Variants in CAMK2D observed in about 807,000 individuals in gnomAD.
The protein encoded by CAMK2D is calcium/calmodulin dependent protein kinase II delta.
A neutral mutation model predicts 84.0 loss-of-function variants in CAMK2D; 37 were observed. That is an observed-to-expected ratio of 0.44 (90% CI 0.34 to 0.58). The LOEUF is 0.58. Ranked by LOEUF, CAMK2D falls within the 20% of genes least tolerant of loss-of-function variation. The probability of loss-of-function intolerance (pLI) is 0.02; values close to 1 mark genes in which losing one functional copy is unlikely to be tolerated. For missense variants in CAMK2D, 448 were observed against 652.5 expected (o/e 0.69, Z 3.41); for synonymous variants, 202 against 212.5 (o/e 0.95, Z 0.43).
At chr4:113,695,711 C>G (rs1561886506) in intron 2 of CAMK2D, among the ~76,000 whole-genome samples, 1 of 152,094 alleles carries the variant, frequency 6.6e-6, no homozygotes, top group African/African-American at 2.4e-5. Flanking sequence ...TGGATCACTT[C>G]AATAGCCTCC....
chr4:113,595,685 T>C (rs2098922362), intron 4 of CAMK2D, among the ~76,000 whole-genome samples: 1 of 152,222 alleles, frequency 6.6e-6, no homozygotes, highest in Admixed American at 6.5e-5. Context: ...GTTTGCACTA[T>C]ACCATGGTCT....
At chr4:113,526,436 G>A (rs2098418142) in intron 8 of CAMK2D, among the ~76,000 whole-genome samples, 1 of 152,042 alleles carries the variant, frequency 6.6e-6, no homozygotes, top group African/African-American at 2.4e-5. Context: ...GTGTGTGTGT[G>A]TGTGTGTGCA....
At chr4:113,546,160 A>G (rs77213951) in intron 6 of CAMK2D, among the ~76,000 whole-genome samples, 8,134 of 152,302 alleles carry the variant, frequency 0.053, 475 homozygotes, top group African/African-American at 0.14. Context: ...TAATAAATTT[A>G]TAGAAGTGTC....
At chr4:113,480,853 A>T (rs1049430748) in intron 16 of CAMK2D, among the ~76,000 whole-genome samples, 1 of 152,138 alleles carries the variant, frequency 6.6e-6, no homozygotes, top group Non-Finnish European at 1.5e-5. Context: ...AAACAAAAAA[A>T]GGGCTTGAGG....
intron 4 of CAMK2D, among the ~76,000 whole-genome samples, chr4:113,553,541 C>T (rs2098644532): frequency 6.6e-6 from 1 of 152,190 alleles, no homozygotes; most frequent in Admixed American, 6.5e-5. Context: ...CCCTTATTCT[C>T]CTTTCCAAAA....
chr4:113,465,122 T>C (rs890836094), intron 17 of CAMK2D, among the ~76,000 whole-genome samples: 5 of 152,164 alleles, frequency 3.3e-5, no homozygotes, highest in Non-Finnish European at 7.3e-5. Context: ...AGCCTCGACC[T>C]CCTGGGCTTA....
At chr4:113,678,204 G>A (rs975750706) in intron 2 of CAMK2D, among the ~76,000 whole-genome samples, 2 of 152,124 alleles carry the variant, frequency 1.3e-5, no homozygotes, top group South Asian at 2.1e-4. Flanking sequence ...TTAGGAGACA[G>A]GCTAAGCCAC....
chr4:113,500,597 A>T (rs1247029535), intron 15 of CAMK2D, 86 bp from the exon 16 acceptor site: 1 of 805,642 alleles, frequency 1.2e-6, no homozygotes, highest in East Asian at 2.6e-5. Context: ...CATACATATC[A>T]TGCAAAATTC....
At chr4:113,615,916 A>C (rs927878826) in intron 3 of CAMK2D, among the ~76,000 whole-genome samples, 2 of 152,124 alleles carry the variant, frequency 1.3e-5, no homozygotes, top group African/African-American at 4.8e-5. Context: ...ATCTGTTCTA[A>C]TTTTAGCTAT....
chr4:113,697,027 CA>C (rs1323035918), intron 2 of CAMK2D, among the ~76,000 whole-genome samples: 1 of 151,996 alleles, frequency 6.6e-6, no homozygotes, highest in Non-Finnish European at 1.5e-5. Context: ...CCTCAATGTC[CA>C]AGGAGTCTTG....
intron 2 of CAMK2D, among the ~76,000 whole-genome samples, chr4:113,685,016 G>A (rs1212110663): frequency 6.6e-6 from 1 of 152,096 alleles, no homozygotes; most frequent in African/African-American, 2.4e-5. Flanking sequence ...AGAAGGTACT[G>A]AGCAAAGTCC....
intron 2 of CAMK2D, among the ~76,000 whole-genome samples, chr4:113,718,725 A>G (rs1183220385): frequency 2.0e-5 from 3 of 152,228 alleles, no homozygotes; most frequent in African/African-American, 7.2e-5. Flanking sequence ...AGTTCGGCCT[A>G]TGCCCAGGGA....
At chr4:113,506,219 C>A (rs1348966424) in intron 13 of CAMK2D, among the ~76,000 whole-genome samples, 2 of 152,036 alleles carry the variant, frequency 1.3e-5, no homozygotes, top group Non-Finnish European at 2.9e-5. Flanking sequence ...TATATCCTGT[C>A]AAAACTAGTA....
chr4:113,718,663 G>A (rs1023815991), intron 2 of CAMK2D, among the ~76,000 whole-genome samples: 1 of 152,138 alleles, frequency 6.6e-6, no homozygotes, highest in Non-Finnish European at 1.5e-5. Flanking sequence ...GGAAAGGGCT[G>A]TTTTCATCTT....
chr4:113,757,337 C>T (rs1286399465), intron 2 of CAMK2D, among the ~76,000 whole-genome samples: 2 of 152,044 alleles, frequency 1.3e-5, no homozygotes, highest in African/African-American at 2.4e-5. Flanking sequence ...ATTCATTCCA[C>T]ACAAAACCCT....
In CAMK2D at chr4:113,500,530, AT is replaced by A; in HGVS notation, c.1087-20del. ...TTGACTCCTGATGAGAAGAAAACACATTTTTAGGTTGCACGCAATGAATAGC... is the reference window on the plus strand; with the variant it reads ...TTGACTCCTGATGAGAAGAAAACACATTTTAGGTTGCACGCAATGAATAGC... On this transcript the variant is annotated intron_variant, in intron 15 of 20. Coordinates refer to ENST00000511664, the MANE Select transcript of CAMK2D (RefSeq NM_001321571.2). 2 of 1,562,826 alleles carry A rather than the reference AT, an allele frequency of 1.3e-6. No homozygotes were observed. Among genetic ancestry groups the A allele is most frequent in the Non-Finnish European group, 1.8e-6 (2 of 1,140,396 alleles).
intron 16 of CAMK2D, among the ~76,000 whole-genome samples, chr4:113,494,796 C>T (rs1276056266): frequency 2.0e-5 from 3 of 152,182 alleles, no homozygotes; most frequent in African/African-American, 4.8e-5. Context: ...AGGGAGACTC[C>T]GTGGGCGTAG....
chr4:113,720,546 A>G (rs893775586), intron 2 of CAMK2D, among the ~76,000 whole-genome samples: 1 of 152,080 alleles, frequency 6.6e-6, no homozygotes, highest in Non-Finnish European at 1.5e-5. Context: ...GATATTGGCC[A>G]TCTATAAATG....
intron 4 of CAMK2D, among the ~76,000 whole-genome samples, chr4:113,581,699 C>A (rs2098811012): frequency 6.6e-6 from 1 of 152,164 alleles, no homozygotes; most frequent in East Asian, 1.9e-4. Context: ...ACTACTACAG[C>A]CTTCTACTCC....
Sources: gnomAD v4.1 joint callset for allele counts (sites outside exome capture counted in the v4.1 genomes callset) on GRCh38, gnomAD v4.1.1 for gene constraint, MANE v1.5 for transcripts, NCBI Gene and HGNC (gene_info 2026-07-23, HGNC 2026-07-21) for gene names.